Variants in WNT6 observed in about 807,000 individuals in gnomAD.
WNT6 encodes the protein Wnt family member 6.
A neutral mutation model predicts 33.1 loss-of-function variants in WNT6; 27 were observed. That is an observed-to-expected ratio of 0.82 (90% CI 0.60 to 1.12). WNT6 has a LOEUF of 1.12. WNT6 is among the 50% of genes most tolerant of loss of function. WNT6 has a pLI of 0.00. For missense variants in WNT6, 494 were observed against 535.3 expected, an observed-to-expected ratio of 0.92 and a Z score of 0.76; for synonymous variants, 249 against 242.8, an observed-to-expected ratio of 1.03 and a Z score of -0.24.
chr2:218,861,508 C>G (rs1944310048), intron 1 of WNT6, among the ~76,000 whole-genome samples: 1 of 151,988 alleles, frequency 6.6e-6, no homozygotes, highest in Non-Finnish European at 1.5e-5. Context: ...ATAATAGGAC[C>G]TTAGGAGGTA....
chr2:218,862,856 C>G (rs1015109370), intron 1 of WNT6, among the ~76,000 whole-genome samples: 1 of 151,670 alleles, frequency 6.6e-6, no homozygotes, highest in African/African-American at 2.4e-5. Flanking sequence ...AGTTGCCCAC[C>G]ACCATGCCCA....
intron 3 of WNT6, among the ~76,000 whole-genome samples, chr2:218,872,453 G>A (rs954056347): frequency 6.6e-6 from 1 of 152,174 alleles, no homozygotes; most frequent in South Asian, 2.1e-4. Flanking sequence ...CACCAGCCCA[G>A]GTCTCACCTG....
At position 218,871,103 on chromosome 2, in the gene WNT6, G is replaced by A; in HGVS notation, c.157G>A (p.Glu53Lys). The change falls in exon 2 of 4, where the codon GAG becomes AAG. Residue 53 changes from glutamate to lysine, a missense_variant. Physicochemically the swap from Glu to Lys is moderately conservative, Grantham distance 56. Transcript: ENST00000233948. This position sits in a 1 kb window ranked among gnomAD's most constrained non-coding sequence, Gnocchi z 6.4. ...KARRLAGRQA[E>K]LCQAEPEVVA... is the part of the protein sequence containing the mutation. ...ACGGCGGCTGGCCGGGCGGCAGGCC[G>A]AGTTGTGCCAGGCTGAGCCGGAAGT... 3.1e-6 allele frequency: 5 copies of A among 1,613,596 alleles called. No individual in the cohort carries two copies. Among genetic ancestry groups the A allele is most frequent in the Non-Finnish European group, 4.2e-6 (5 of 1,179,844 alleles).
Position 218,871,697 on chromosome 2 carries a change from T to A in WNT6, c.514T>A (p.Cys172Ser). ...CAGCGCCGCCTGGGAGTGGGGAGGCTGCGGCGACGACGTGGACTTCGGGGA... is the reference window on the plus strand; with the variant it reads ...CAGCGCCGCCTGGGAGTGGGGAGGCAGCGGCGACGACGTGGACTTCGGGGA... ...EGSAAWEWGG[C>S]GDDVDFGDEK... The change falls in exon 3 of 4, where the codon TGC becomes AGC. Residue 172 changes from cysteine to serine, a missense_variant. By Grantham distance (112) the Cys-to-Ser change is moderately radical. Transcript: ENST00000233948. The surrounding 1 kb of genome is among the most constrained non-coding windows in gnomAD (Gnocchi z 6.4). 1 of 1,580,876 alleles carries A rather than the reference T, an allele frequency of 6.3e-7. No individual in the cohort carries two copies. The highest frequency in any genetic ancestry group is 1.1e-5 in the South Asian group (1 of 88,728).
At chr2:218,866,172 C>T (rs1944353097) in intron 1 of WNT6, among the ~76,000 whole-genome samples, 1 of 152,186 alleles carries the variant, frequency 6.6e-6, no homozygotes, top group Non-Finnish European at 1.5e-5. Flanking sequence ...CCCCCACCCA[C>T]AGCCCCAGGG....
chr2:218,873,616 C>T lies in WNT6; in HGVS notation c.869C>T (p.Ser290Leu), dbSNP rs1422789669. ...GCGGACCTCCTCTACGCCGCCGATT[C>T]GCCCGACTTCTGCGCCCCCAACCGA... ...GRADLLYAAD[S>L]PDFCAPNRRT... The change falls in exon 4 of 4, where the codon TCG becomes TTG. Residue 290 changes from serine to leucine, a missense_variant. Physicochemically the swap from Ser to Leu is moderately radical, Grantham distance 145. Coordinates refer to ENST00000233948, the MANE Select transcript of WNT6 (RefSeq NM_006522.4). This position sits in a 1 kb window ranked among gnomAD's most constrained non-coding sequence, Gnocchi z 6.1. 2.5e-6 allele frequency: 4 copies of T among 1,572,172 alleles called. No homozygotes were observed. The highest frequency in any genetic ancestry group is 3.4e-6 in the Non-Finnish European group (4 of 1,165,736).
At chr2:218,872,073 G>T (rs958226936) in intron 3 of WNT6, among the ~76,000 whole-genome samples, 2 of 152,096 alleles carry the variant, frequency 1.3e-5, no homozygotes, top group Admixed American at 6.5e-5. Context: ...GGGCAGAATG[G>T]GGGAAGGGAC....
Position 218,873,832 on chromosome 2 carries a change from G to C in WNT6, c.1085G>C (p.Ser362Thr). The change falls in exon 4 of 4, where the codon AGC becomes ACC. Residue 362 changes from serine (S) to threonine (T), a missense_variant. By Grantham distance (58) the Ser-to-Thr change is moderately conservative. Transcript: ENST00000233948. This position sits in a 1 kb window ranked among gnomAD's most constrained non-coding sequence, Gnocchi z 6.1. ...CHRCRVRKEL[S>T]LCL is the part of the protein sequence containing the mutation. Reference sequence around the variant, plus strand: ...CGCTGCCGTGTGCGCAAGGAGCTCAGCCTCTGCCTGTGACCCGCCGCCCGG... The same window carrying C: ...CGCTGCCGTGTGCGCAAGGAGCTCACCCTCTGCCTGTGACCCGCCGCCCGG... 6.6e-7 allele frequency: 1 copy of C among 1,510,228 alleles called. No homozygotes were observed. The highest frequency in any genetic ancestry group is 1.3e-5 in the South Asian group (1 of 78,592). 93.6% of individuals were successfully genotyped at this position (1,510,228 alleles called of 1,614,324 possible). A position where few individuals can be genotyped will look rare whatever the true frequency, so the allele number is the denominator to read the frequency against.
chr2:218,860,329 C>T (rs1001975425), intron 1 of WNT6, among the ~76,000 whole-genome samples: 2 of 152,174 alleles, frequency 1.3e-5, no homozygotes, highest in Admixed American at 6.5e-5. Flanking sequence ...TTCTCTCCCA[C>T]CCCCCGCCAA....
Position 218,873,892 on chromosome 2 carries a change from C to T in WNT6, c.*47C>T. The T allele has an allele frequency of 7.2e-7, 1 of 1,398,050 alleles. No homozygotes were observed. Among genetic ancestry groups the T allele is most frequent in the Non-Finnish European group, 9.2e-7 (1 of 1,081,408 alleles). The allele number at this position is 1,398,050 out of a possible 1,614,324, so 86.6% of individuals were successfully genotyped here. ...TGACTTCGCGCAGCGGTGGCTCGCACCTGTGGGACCTCAGGGCACCGGCAC... is the reference window on the plus strand; with the variant it reads ...TGACTTCGCGCAGCGGTGGCTCGCATCTGTGGGACCTCAGGGCACCGGCAC... On this transcript the variant is annotated 3_prime_UTR_variant, in exon 4 of 4. Transcript: ENST00000233948. The surrounding 1 kb of genome is among the most constrained non-coding windows in gnomAD (Gnocchi z 6.1).
At position 218,871,193 on chromosome 2, in the gene WNT6, C is replaced by G; in HGVS notation, c.247C>G (p.Arg83Gly). The G allele has an allele frequency of 6.2e-7, 1 of 1,613,550 alleles. No individual in the cohort carries two copies. The highest frequency in any genetic ancestry group is 8.5e-7 in the Non-Finnish European group (1 of 1,179,894). Residue 83 changes from arginine to glycine, a missense_variant, in exon 2 of 4, where the codon CGC becomes GGC. Arg to Gly is a moderately radical substitution (Grantham distance 125). Coordinates refer to ENST00000233948, the MANE Select transcript of WNT6 (RefSeq NM_006522.4). This position sits in a 1 kb window ranked among gnomAD's most constrained non-coding sequence, Gnocchi z 6.4. ...VRECQFQFRF[R>G]RWNCSSHSKA... is the part of the protein sequence containing the mutation. The stretch of plus-strand genomic sequence containing the variant: ...AGAGTGCCAGTTCCAGTTCCGCTTC[C>G]GCCGCTGGAATTGCTCCAGCCACAG...
rs894739463 is a variant in WNT6 at position 218,871,518 on chromosome 2, C to G, written c.335C>G (p.Thr112Ser). Reference protein sequence around the residue: ...IRETAFVFAITAAGASHAVTQ... With the variant: ...IRETAFVFAISAAGASHAVTQ... ...GAGACGGCCTTCGTGTTCGCCATCA[C>G]TGCGGCCGGCGCCAGCCACGCCGTC... Residue 112 changes from threonine (T) to serine (S), a missense_variant, in exon 3 of 4, where the codon ACT (threonine) becomes AGT (serine). Thr to Ser is a moderately conservative substitution (Grantham distance 58). Coordinates refer to ENST00000233948, the MANE Select transcript of WNT6 (RefSeq NM_006522.4). This position sits in a 1 kb window ranked among gnomAD's most constrained non-coding sequence, Gnocchi z 6.4. 2 of 1,597,560 alleles carry G rather than the reference C, an allele frequency of 1.3e-6. No individual in the cohort carries two copies. Among genetic ancestry groups the G allele is most frequent in the Non-Finnish European group, 1.7e-6 (2 of 1,179,374 alleles).
intron 1 of WNT6, among the ~76,000 whole-genome samples, chr2:218,864,492 C>T (rs1944336986): frequency 6.6e-6 from 1 of 152,170 alleles, no homozygotes; most frequent in Admixed American, 6.5e-5. Context: ...ATCTCGAACT[C>T]CTGACTTAAA....
intron 1 of WNT6, among the ~76,000 whole-genome samples, chr2:218,861,684 G>A (rs933745197): frequency 6.6e-6 from 1 of 152,112 alleles, no homozygotes; most frequent in Admixed American, 6.5e-5. Context: ...TTCAAGGTGT[G>A]GGGATGGGGT....
At chr2:218,872,743 T>A (rs1020450923) in intron 3 of WNT6, among the ~76,000 whole-genome samples, 1 of 152,142 alleles carries the variant, frequency 6.6e-6, no homozygotes, top group African/African-American at 2.4e-5. Flanking sequence ...GGTTCCACTC[T>A]CAGTACTGCA....
chr2:218,871,545 C>G lies in WNT6; in HGVS notation c.362C>G (p.Thr121Arg). The stretch of plus-strand genomic sequence containing the variant: ...GCGGCCGGCGCCAGCCACGCCGTCA[C>G]GCAGGCCTGTTCTATGGGCGAGCTG... Reference protein sequence around the residue: ...ITAAGASHAVTQACSMGELLQ... With the variant: ...ITAAGASHAVRQACSMGELLQ... Residue 121 changes from threonine to arginine, a missense_variant, in exon 3 of 4, where the codon ACG (threonine) becomes AGG (arginine). Thr to Arg is a moderately conservative substitution (Grantham distance 71). Transcript: ENST00000233948. This position sits in a 1 kb window ranked among gnomAD's most constrained non-coding sequence, Gnocchi z 6.4. 2 of 1,598,902 alleles carry G rather than the reference C, an allele frequency of 1.3e-6. No homozygotes were observed. The highest frequency in any genetic ancestry group is 2.2e-5 in the East Asian group (1 of 44,778).
At position 218,867,261 on chromosome 2, in the gene WNT6, C is replaced by T. The variant is rs1309929977; in HGVS notation, c.81-3766C>T. On this transcript the variant is annotated intron_variant, in intron 1 of 3. Coordinates refer to ENST00000233948, the MANE Select transcript of WNT6 (RefSeq NM_006522.4). This position sits in a 1 kb window ranked among gnomAD's most constrained non-coding sequence, Gnocchi z 4.9. The stretch of plus-strand genomic sequence containing the variant: ...GCAATAGGGATCCCTCCACCAGTGG[C>T]CAGAGTCAGTCGCCTCCTGTCTTGC... 6.6e-6 allele frequency among the ~76,000 whole-genome samples: 1 copy of T among 152,160 alleles called. No homozygotes were observed. Among genetic ancestry groups the T allele is most frequent in the Non-Finnish European group, 1.5e-5 (1 of 68,034 alleles).
chr2:218,873,278 C>G lies in WNT6; in HGVS notation c.637-106C>G. The G allele has an allele frequency of 2.6e-6, 3 of 1,152,204 alleles. No homozygotes were observed. Among genetic ancestry groups the G allele is most frequent in the Non-Finnish European group, 3.6e-6 (3 of 832,766 alleles). The allele number at this position is 1,152,204 out of a possible 1,614,324, so 71.4% of individuals were successfully genotyped here. On this transcript the variant is annotated intron_variant, in intron 3 of 3. Coordinates refer to ENST00000233948, the MANE Select transcript of WNT6 (RefSeq NM_006522.4). This position sits in a 1 kb window ranked among gnomAD's most constrained non-coding sequence, Gnocchi z 6.1. Reference sequence around the variant, plus strand: ...GGTCTCCTTTTGTCTGCATTTTCCTCTCTTCCTTTCACCTCCCATTCCCAA... The same window carrying G: ...GGTCTCCTTTTGTCTGCATTTTCCTGTCTTCCTTTCACCTCCCATTCCCAA...
intron 1 of WNT6, among the ~76,000 whole-genome samples, chr2:218,869,613 C>T (rs937704598): frequency 1.3e-5 from 2 of 152,202 alleles, no homozygotes; most frequent in Non-Finnish European, 2.9e-5. Flanking sequence ...TCTAATTACC[C>T]TCTGCTCCCA....
Sources: allele counts gnomAD v4.1 joint callset (sites outside exome capture counted in the v4.1 genomes callset), GRCh38; gene constraint gnomAD v4.1.1; non-coding constraint Gnocchi (gnomAD v3.1); transcripts MANE v1.5; gene names NCBI Gene and HGNC (gene_info 2026-07-23, HGNC 2026-07-21).